The following CDC73 variants were observed in gnomAD, a reference collection of about 807,000 sequenced individuals.
CDC73 encodes the protein parafibromin.
In CDC73, 21 loss-of-function variants were observed where a neutral mutation model predicts 83.7. The ratio of observed to expected loss-of-function variants is 0.25; its 90% confidence interval spans 0.18 to 0.36. The LOEUF (loss-of-function observed/expected upper bound fraction) is 0.36. CDC73 is among the 10% of genes least tolerant of loss of function. CDC73 has a pLI of 1.00. For synonymous variants in CDC73, 224 were observed against 212.9 expected (o/e 1.05, Z -0.45); for missense variants, 342 against 653.3 (o/e 0.52, Z 5.19).
intron 15 of CDC73, among the ~76,000 whole-genome samples, chr1:193,238,501 A>G (rs192823091): frequency 6.6e-5 from 10 of 152,184 alleles, no homozygotes; most frequent in Admixed American, 4.6e-4. Flanking sequence ...ACTCCTTTTT[A>G]AGTTACTTTC....
At chr1:193,131,462 A>G (rs779189258) in intron 3 of CDC73, among the ~76,000 whole-genome samples, 21 of 152,140 alleles carry the variant, frequency 1.4e-4, no homozygotes, top group South Asian at 8.3e-4. Context: ...CCCACTCTTT[A>G]TTTCCTATAG....
intron 13 of CDC73, among the ~76,000 whole-genome samples, chr1:193,226,676 A>G (rs1053252056): frequency 1.3e-5 from 2 of 152,134 alleles, no homozygotes; most frequent in African/African-American, 4.8e-5. Context: ...AACCCATTTG[A>G]TCATGGTGGA....
chr1:193,233,079 C>T lies in CDC73; in HGVS notation c.1241C>T (p.Pro414Leu). The T allele has an allele frequency of 3.1e-6, 5 of 1,613,130 alleles. No homozygotes were observed. The highest frequency in any genetic ancestry group is 4.2e-6 in the Non-Finnish European group (5 of 1,179,178). ...LIQRRKDQMQ[P>L]GGTAISVTVP... ...CAAAGAAGAAAAGACCAGATGCAAC[C>T]AGGGGGCACTGCAATTAGTGTTACA... Residue 414 changes from proline to leucine, a missense_variant, in exon 14 of 17, where the codon CCA becomes CTA. Physicochemically the swap from Pro to Leu is moderately conservative, Grantham distance 98. Transcript: ENST00000367435.
At position 193,123,687 on chromosome 1, in the gene CDC73, C is replaced by G. The variant is rs1675510052; in HGVS notation, c.131+1356C>G. Among the ~76,000 whole-genome samples the G allele has an allele frequency of 2.0e-5, 3 of 149,434 alleles. No homozygotes were observed. In the South Asian group the frequency reaches 6.3e-4, roughly 31 times the overall value. ...TTTAGTGAATTTTTTTTTTTTTAGA[C>G]AATGGCTAAGGAGTACCTAGGGTGT... On this transcript the variant is annotated intron_variant, in intron 1 of 16. Transcript: ENST00000367435.
chr1:193,180,930 T>C (rs34526150), intron 10 of CDC73: 158 of 1,613,556 alleles, frequency 9.8e-5, no homozygotes, highest in Non-Finnish European at 3.1e-5. Flanking sequence ...TATCATGATA[T>C]TGTCTGCTTT....
intron 15 of CDC73, among the ~76,000 whole-genome samples, chr1:193,243,802 A>G (rs1677903348): frequency 6.6e-6 from 1 of 152,182 alleles, no homozygotes. Flanking sequence ...TCTGATGAAG[A>G]GACTTTTATT....
intron 15 of CDC73, among the ~76,000 whole-genome samples, chr1:193,243,253 T>C (rs1397676703): frequency 6.6e-6 from 1 of 151,114 alleles, no homozygotes; most frequent in Non-Finnish European, 1.5e-5. Context: ...TTCTTGTTTT[T>C]AACTTCCAGA....
In CDC73 at chr1:193,155,217, GAAGTA is replaced by G. The variant is rs559204803; in HGVS notation, c.972+2777_972+2781del. 7.6e-4 allele frequency among the ~76,000 whole-genome samples: 115 copies of G among 152,278 alleles called. 1 individual carries two copies. Among genetic ancestry groups the G allele is most frequent in the Non-Finnish European group, 1.4e-3 (93 of 68,016 alleles). On this transcript the variant is annotated intron_variant, in intron 10 of 16. Transcript: ENST00000367435. ...TCATGGGTTAGTGAAAGTTTTTATA[GAAGTA>G]AAGGCCCCAGGGAGAGTGCTTTGAT... is the stretch of plus-strand genomic sequence containing the variant.
At chr1:193,212,552 ATTAC>A (rs1331458110) in intron 13 of CDC73, 75 bp downstream of exon 13, 4 of 998,950 alleles carry the variant, frequency 4.0e-6, no homozygotes, top group Non-Finnish European at 6.1e-6. Context: ...CTGAATCAGT[ATTAC>A]TTATTTGGAA....
chr1:193,182,066 A>G (rs960415532), intron 10 of CDC73, among the ~76,000 whole-genome samples: 5 of 152,198 alleles, frequency 3.3e-5, no homozygotes, highest in Admixed American at 3.3e-4. Flanking sequence ...ATTAATTAAA[A>G]TTGATTTGAC....
At chr1:193,123,044 A>C (rs958920948) in intron 1 of CDC73, among the ~76,000 whole-genome samples, 8 of 152,314 alleles carry the variant, frequency 5.3e-5, no homozygotes, top group Admixed American at 5.2e-4. Flanking sequence ...TAAGTCATTC[A>C]GGAAAACTTC....
chr1:193,235,386 G>A (rs1677739273), intron 14 of CDC73, among the ~76,000 whole-genome samples: 2 of 152,222 alleles, frequency 1.3e-5, no homozygotes, highest in East Asian at 3.9e-4. Flanking sequence ...GATTAAATGT[G>A]TTAACATCAT....
At chr1:193,126,024 T>C (rs1295946016) in intron 2 of CDC73, among the ~76,000 whole-genome samples, 1 of 152,150 alleles carries the variant, frequency 6.6e-6, no homozygotes, top group East Asian at 1.9e-4. Flanking sequence ...TACTTGGGAC[T>C]CTAAGGCGGT....
intron 14 of CDC73, among the ~76,000 whole-genome samples, chr1:193,233,629 TCATTTG>T: frequency 6.6e-6 from 1 of 152,202 alleles, no homozygotes; most frequent in Non-Finnish European, 1.5e-5. Flanking sequence ...TTCCACTTGT[TCATTTG>T]TTCCGGATCA....
chr1:193,196,090 C>T (rs915303341), intron 10 of CDC73, among the ~76,000 whole-genome samples: 2 of 152,050 alleles, frequency 1.3e-5, no homozygotes, highest in Admixed American at 6.5e-5. Context: ...TGAAGCTTTT[C>T]CTCTGTTTTC....
At position 193,251,694 on chromosome 1, in the gene CDC73, T is replaced by C. The variant is rs754552784; in HGVS notation, c.*982T>C. ...CTGAAAAGAAACAAGAGAAAAACAC[T>C]GGTATTTTTATGTCTGTATTCAATA... On this transcript the variant is annotated 3_prime_UTR_variant, in exon 17 of 17. Coordinates refer to ENST00000367435, the MANE Select transcript of CDC73 (RefSeq NM_024529.5). 12 of 232,096 alleles carry C rather than the reference T, an allele frequency of 5.2e-5. No individual in the cohort carries two copies. Among genetic ancestry groups the C allele is most frequent in the Admixed American group, 5.1e-4 (9 of 17,726 alleles). The allele number at this position is 232,096 out of a possible 1,614,324, so 14.4% of individuals were successfully genotyped here.
At chr1:193,205,091 A>G (rs1677163423) in intron 11 of CDC73, among the ~76,000 whole-genome samples, 1 of 151,676 alleles carries the variant, frequency 6.6e-6, no homozygotes, top group African/African-American at 2.4e-5. Flanking sequence ...TTAGATACCA[A>G]CCCTGTATTT....
At chr1:193,140,200 G>T (rs1400752139) in intron 6 of CDC73, among the ~76,000 whole-genome samples, 2 of 152,162 alleles carry the variant, frequency 1.3e-5, no homozygotes, top group Admixed American at 1.3e-4. Flanking sequence ...TTTCTCATTT[G>T]TTAGGGAATT....
intron 1 of CDC73, among the ~76,000 whole-genome samples, chr1:193,124,782 G>GT (rs1277373606): frequency 6.6e-6 from 1 of 152,114 alleles, no homozygotes; most frequent in Non-Finnish European, 1.5e-5. Flanking sequence ...CAGTGTAATT[G>GT]TTTTCTCTTA....
Sources: gnomAD v4.1 joint callset for allele counts (sites outside exome capture counted in the v4.1 genomes callset) on GRCh38, gnomAD v4.1.1 for gene constraint, MANE v1.5 for transcripts, NCBI Gene and HGNC (gene_info 2026-07-23, HGNC 2026-07-21) for gene names.